The following DENND1A variants were observed in gnomAD, a reference collection of about 807,000 sequenced individuals.
DENND1A encodes the protein DENN domain-containing protein 1A.
In DENND1A, 51 loss-of-function variants were observed where a neutral mutation model predicts 113.7. The observed-to-expected ratio is 0.45, with a 90% CI of 0.36 to 0.57. The LOEUF (loss-of-function observed/expected upper bound fraction) is 0.57. Among genes scored for constraint, DENND1A ranks in the 20% least tolerant of loss-of-function variants. The pLI is 0.00. For missense variants in DENND1A, 1,258 were observed against 1,395.9 expected (o/e 0.90, Z 1.57); for synonymous variants, 565 against 570.8 (o/e 0.99, Z 0.14).
chr9:123,615,025 A>T (rs1234260406), intron 10 of DENND1A, among the ~76,000 whole-genome samples: 1 of 152,244 alleles, frequency 6.6e-6, no homozygotes, highest in Non-Finnish European at 1.5e-5. Flanking sequence ...GAAAAAGAAC[A>T]GACACCAGAG....
chr9:123,702,698 T>C (rs1433148169), intron 5 of DENND1A, among the ~76,000 whole-genome samples: 1 of 152,190 alleles, frequency 6.6e-6, no homozygotes. Context: ...CCAAGAATAC[T>C]GTACCCAGCA....
At chr9:123,479,417 T>C (rs966344343) in intron 13 of DENND1A, among the ~76,000 whole-genome samples, 13 of 152,266 alleles carry the variant, frequency 8.5e-5, no homozygotes, top group African/African-American at 3.1e-4. Flanking sequence ...GGATGGCTGC[T>C]GTTGAAATTC....
At chr9:123,503,119 G>A (rs543320288) in intron 13 of DENND1A, among the ~76,000 whole-genome samples, 2 of 152,312 alleles carry the variant, frequency 1.3e-5, no homozygotes, top group South Asian at 2.1e-4. Context: ...CAGGTGGTCA[G>A]TGCTTTGAGA....
intron 1 of DENND1A, among the ~76,000 whole-genome samples, chr9:123,894,875 G>A (rs1850475780): frequency 6.6e-6 from 1 of 152,148 alleles, no homozygotes; most frequent in Non-Finnish European, 1.5e-5. Flanking sequence ...ACCATGAAGA[G>A]GTGAAACTTG....
rs1048371787 is a variant in DENND1A at position 123,380,201 on chromosome 9, C to T, written c.*1231G>A. On this transcript the variant is annotated 3_prime_UTR_variant, in exon 24 of 24. Transcript: ENST00000394215. ...AATGCTCACAATTTCCTGCGTGTCTCAGATGGTTGTTTTCTTAAATGGTCG... is the reference window on the plus strand; with the variant it reads ...AATGCTCACAATTTCCTGCGTGTCTTAGATGGTTGTTTTCTTAAATGGTCG... 1 of 152,496 alleles carries T rather than the reference C, an allele frequency of 6.6e-6. No individual in the cohort carries two copies. The highest frequency in any genetic ancestry group is 1.9e-4 in the East Asian group (1 of 5,186). 9.4% of individuals were successfully genotyped at this position (152,496 alleles called of 1,614,324 possible). A position where few individuals can be genotyped will look rare whatever the true frequency, so the allele number is the denominator to read the frequency against.
intron 19 of DENND1A, among the ~76,000 whole-genome samples, chr9:123,434,788 G>C (rs539747682): frequency 6.6e-6 from 1 of 151,954 alleles, no homozygotes; most frequent in East Asian, 1.9e-4. Flanking sequence ...GGCTGGGAGC[G>C]GGGGTGAGGC....
intron 8 of DENND1A, among the ~76,000 whole-genome samples, chr9:123,656,823 T>C (rs993123445): frequency 6.6e-6 from 1 of 152,174 alleles, no homozygotes; most frequent in Admixed American, 6.5e-5. Context: ...AAGGAAAACC[T>C]TGCTTCAAGG....
chr9:123,650,167 G>C (rs1054417493), intron 9 of DENND1A, among the ~76,000 whole-genome samples: 1 of 152,136 alleles, frequency 6.6e-6, no homozygotes, highest in Non-Finnish European at 1.5e-5. Flanking sequence ...CTGGGTGTTT[G>C]TGCCCTGAAA....
intron 13 of DENND1A, among the ~76,000 whole-genome samples, chr9:123,556,497 A>G (rs143541075): frequency 1.9e-4 from 29 of 152,356 alleles, no homozygotes; most frequent in South Asian, 4.1e-4. Context: ...GAATTTCTAT[A>G]AAGAATGCAT....
At chr9:123,452,386 C>T in intron 16 of DENND1A, 39 bp from the exon 17 acceptor site, 2 of 1,535,680 alleles carry the variant, frequency 1.3e-6, no homozygotes, top group Non-Finnish European at 1.8e-6. Flanking sequence ...GGGCTGAAGA[C>T]AGAGTCATCC....
intron 5 of DENND1A, among the ~76,000 whole-genome samples, chr9:123,756,994 G>A (rs918936650): frequency 2.6e-5 from 4 of 152,204 alleles, no homozygotes; most frequent in Non-Finnish European, 5.9e-5. Context: ...CAGATGGAGA[G>A]GGGAGCATGG....
intron 1 of DENND1A, among the ~76,000 whole-genome samples, chr9:123,918,022 G>A (rs1378213349): frequency 6.6e-6 from 1 of 151,536 alleles, no homozygotes; most frequent in African/African-American, 2.4e-5. Context: ...CCTGAGGCAG[G>A]AGAATAGCGT....
rs41312240 is a variant in DENND1A at position 123,380,225 on chromosome 9, C to T, written c.*1207G>A. ...TCAGATGGTTGTTTTCTTAAATGGT[C>T]GGGCCATACTTTAACTTGGTTTATG... On this transcript the variant is annotated 3_prime_UTR_variant, in exon 24 of 24. Coordinates refer to ENST00000394215, the MANE Select transcript of DENND1A (RefSeq NM_001352964.2). 7.2e-5 allele frequency: 11 copies of T among 152,462 alleles called. No individual in the cohort carries two copies. Among genetic ancestry groups the T allele is most frequent in the South Asian group, 2.1e-4 (1 of 4,828 alleles). The allele number at this position is 152,462 out of a possible 1,614,324, so 9.4% of individuals were successfully genotyped here.
At chr9:123,497,302 G>T (rs1362684065) in intron 13 of DENND1A, among the ~76,000 whole-genome samples, 3 of 152,168 alleles carry the variant, frequency 2.0e-5, no homozygotes, top group African/African-American at 7.2e-5. Context: ...ACGAACAATT[G>T]TAAGGCTCTT....
chr9:123,428,515 C>T (rs1247224402), intron 19 of DENND1A, among the ~76,000 whole-genome samples: 1 of 152,184 alleles, frequency 6.6e-6, no homozygotes, highest in East Asian at 1.9e-4. Context: ...CCTCTCTCAC[C>T]ACTCCTATTC....
At position 123,381,058 on chromosome 9, in the gene DENND1A, G is replaced by C; in HGVS notation, c.*374C>G. 1 of 240,636 alleles carries C rather than the reference G, an allele frequency of 4.2e-6. No homozygotes were observed. The highest frequency in any genetic ancestry group is 5.7e-5 in the South Asian group (1 of 17,512). 14.9% of individuals were successfully genotyped at this position (240,636 alleles called of 1,614,324 possible). ...GCTGTGGAGGAGACAGGAGAGCTGG[G>C]CTCGGAGGGGAGGCCTTCGGAGCCT... is the stretch of plus-strand genomic sequence containing the variant. On this transcript the variant is annotated 3_prime_UTR_variant, in exon 24 of 24. Coordinates refer to ENST00000394215, the MANE Select transcript of DENND1A (RefSeq NM_001352964.2). The surrounding 1 kb of genome is among the most constrained non-coding windows in gnomAD (Gnocchi z 4.7).
At chr9:123,784,287 T>C (rs972741777) in intron 3 of DENND1A, among the ~76,000 whole-genome samples, 1 of 152,142 alleles carries the variant, frequency 6.6e-6, no homozygotes, top group African/African-American at 2.4e-5. Flanking sequence ...AGAGAAGTTA[T>C]GTGATTTGAT....
At chr9:123,771,615 C>T (rs1221023568) in intron 3 of DENND1A, among the ~76,000 whole-genome samples, 2 of 152,100 alleles carry the variant, frequency 1.3e-5, no homozygotes, top group African/African-American at 4.8e-5. Context: ...AAGAAAGGAC[C>T]CCCTTGGCTA....
rs181209394 is a variant in DENND1A, at chr9:123,830,634, G to A, written c.89-38004C>T. On this transcript the variant is annotated intron_variant, in intron 2 of 23. Coordinates refer to ENST00000394215, the MANE Select transcript of DENND1A (RefSeq NM_001352964.2). ...AATCCCAGCACTTTGGGAGGCCGAG[G>A]GGGGCGGACCACCTGAGGTCAGGGT... is the stretch of plus-strand genomic sequence containing the variant. Among the ~76,000 whole-genome samples the A allele has an allele frequency of 1.8e-3, 271 of 151,986 alleles. 1 individual carries two copies. Among genetic ancestry groups the A allele is most frequent in the African/African-American group, 6.2e-3 (259 of 41,444 alleles).
Sources: allele counts gnomAD v4.1 joint callset (sites outside exome capture counted in the v4.1 genomes callset), GRCh38; gene constraint gnomAD v4.1.1; non-coding constraint Gnocchi (gnomAD v3.1); transcripts MANE v1.5; gene names NCBI Gene and HGNC (gene_info 2026-07-23, HGNC 2026-07-21).